Variants in RREB1 observed in about 807,000 individuals in gnomAD.
The protein encoded by RREB1 is ras-responsive element-binding protein 1.
RREB1 carries 27 observed loss-of-function variants against 117.8 expected under a neutral mutation model. The observed-to-expected ratio is 0.23, with a 90% CI of 0.17 to 0.32. RREB1 has a LOEUF of 0.32. Ranked by LOEUF, RREB1 falls within the 10% of genes least tolerant of loss-of-function variation. The pLI, the probability that RREB1 is intolerant of heterozygous loss-of-function variation, is 1.00. For synonymous variants in RREB1, 1,298 were observed against 1,026.7 expected (o/e 1.26, Z -5.05); for missense variants, 2,577 against 2,378.2 (o/e 1.08, Z -1.74).
chr6:7,211,914 T>TGGTTC (rs1435887219), intron 8 of RREB1: 9 of 578,268 alleles, frequency 1.6e-5, no homozygotes, highest in Non-Finnish European at 2.2e-5. Context: ...GGTGTTCACA[T>TGGTTC]GGTTCACTGT....
chr6:7,116,548 G>A (rs557192671), intron 1 of RREB1, among the ~76,000 whole-genome samples: 1 of 150,668 alleles, frequency 6.6e-6, no homozygotes, highest in African/African-American at 2.5e-5. Flanking sequence ...ACCACTGTGT[G>A]TTGATTTCTG....
rs913367093 is a variant in RREB1 at position 7,246,679 on chromosome 6, C to T, written c.4229C>T (p.Ala1410Val). 8 of 1,582,390 alleles carry T rather than the reference C, an allele frequency of 5.1e-6. No homozygotes were observed. The highest frequency in any genetic ancestry group is 1.2e-5 in the South Asian group (1 of 86,598). Residue 1410 changes from alanine to valine, a missense_variant, in exon 12 of 13, where the codon GCG becomes GTG. Transcript: ENST00000379938. ...TGDADGAEED[A>V]SSNQSLDLDF... ...GACGCCGACGGCGCGGAAGAGGACG[C>T]GTCGAGCAACCAGAGCCTGGACCTG...
intron 1 of RREB1, among the ~76,000 whole-genome samples, chr6:7,121,980 A>G (rs1248582003): frequency 1.3e-5 from 2 of 152,060 alleles, no homozygotes; most frequent in Non-Finnish European, 2.9e-5. Context: ...CTGCTTCCCG[A>G]GGGAAGGTGC....
At chr6:7,109,239 G>A (rs990225445) in intron 1 of RREB1, among the ~76,000 whole-genome samples, 6 of 151,826 alleles carry the variant, frequency 4.0e-5, no homozygotes, top group Non-Finnish European at 5.9e-5. Flanking sequence ...TGGGGGGAGG[G>A]GGCCTGTTGC....
At chr6:7,210,698 T>G in intron 6 of RREB1, 106 bp from the exon 7 acceptor site, 1 of 964,594 alleles carries the variant, frequency 1.0e-6, no homozygotes, top group Non-Finnish European at 1.5e-6. Flanking sequence ...TCATATCTCT[T>G]AACTAAAGAA....
At chr6:7,215,919 C>T (rs1431811825) in intron 8 of RREB1, 1 of 147,018 alleles carries the variant, frequency 6.8e-6, no homozygotes. Context: ...AGGGCTGCAG[C>T]TTTGACGCGG....
intron 6 of RREB1, 143 bp downstream of exon 6, chr6:7,189,465 A>G: frequency 1.3e-6 from 1 of 774,754 alleles, no homozygotes; most frequent in Non-Finnish European, 2.0e-6. Context: ...AAAACCAGAG[A>G]TGCACACTAT....
intron 4 of RREB1, among the ~76,000 whole-genome samples, chr6:7,182,793 A>G (rs537183304): frequency 1.3e-5 from 2 of 152,258 alleles, no homozygotes; most frequent in African/African-American, 2.4e-5. Flanking sequence ...CTCTGGATCC[A>G]TGTAATACGA....
Position 7,189,335 on chromosome 6 carries a change from G to C in RREB1, c.425+13G>C. On this transcript the variant is annotated intron_variant, in intron 6 of 12. Transcript: ENST00000379938. The stretch of plus-strand genomic sequence containing the variant: ...GGAACATGCACAGGTGGGTGAGGGC[G>C]CCCTTTGCTTGGGGGGTTGGCTGGT... 1 of 1,559,674 alleles carries C rather than the reference G, an allele frequency of 6.4e-7. No homozygotes were observed. Among genetic ancestry groups the C allele is most frequent in the East Asian group, 2.4e-5 (1 of 42,024 alleles).
chr6:7,236,865 T>A (rs895492286), intron 10 of RREB1, among the ~76,000 whole-genome samples: 3 of 150,702 alleles, frequency 2.0e-5, no homozygotes, highest in Non-Finnish European at 4.4e-5. Context: ...CACTGGCTAA[T>A]TTTTTTTGTT....
chr6:7,184,283 A>T (rs989984986), intron 4 of RREB1, among the ~76,000 whole-genome samples: 44 of 148,668 alleles, frequency 3.0e-4, no homozygotes, highest in Middle Eastern at 3.5e-3. Context: ...TATTTTTTTT[A>T]TTATTATTAT....
chr6:7,208,724 G>A (rs1766414031), intron 6 of RREB1, among the ~76,000 whole-genome samples: 1 of 152,200 alleles, frequency 6.6e-6, no homozygotes, highest in South Asian at 2.1e-4. Context: ...ACTGGAGGTG[G>A]GAATGTTCTA....
intron 1 of RREB1, among the ~76,000 whole-genome samples, chr6:7,132,404 G>A (rs538775180): frequency 1.3e-3 from 202 of 152,214 alleles, no homozygotes; most frequent in Non-Finnish European, 1.6e-3. Context: ...GGCCTCAAGC[G>A]ATCCATCTAC....
intron 1 of RREB1, among the ~76,000 whole-genome samples, chr6:7,163,954 G>A (rs913440227): frequency 3.3e-5 from 5 of 152,150 alleles, no homozygotes; most frequent in African/African-American, 1.2e-4. Context: ...AGTACTTGCC[G>A]TTTGGCCGGT....
intron 6 of RREB1, among the ~76,000 whole-genome samples, chr6:7,196,380 A>AGTATTTGTTAGTTATCT (rs1316411139): frequency 6.6e-6 from 1 of 151,520 alleles, no homozygotes; most frequent in East Asian, 1.9e-4. Flanking sequence ...TCATTTTATG[A>AGTATTTGTTAGTTATCT]GTATTTGTTA....
intron 1 of RREB1, among the ~76,000 whole-genome samples, chr6:7,120,614 A>G (rs1761634509): frequency 1.3e-5 from 2 of 151,934 alleles, no homozygotes. Context: ...TAAAAGGAAC[A>G]GGAAAAATTT....
chr6:7,155,122 T>C (rs569392853), intron 1 of RREB1, among the ~76,000 whole-genome samples: 2 of 152,312 alleles, frequency 1.3e-5, no homozygotes, highest in South Asian at 4.1e-4. Context: ...TCAGTTAACC[T>C]ATGTGTAATT....
chr6:7,139,665 T>G (rs548541033), intron 1 of RREB1, among the ~76,000 whole-genome samples: 86 of 152,320 alleles, frequency 5.6e-4, no homozygotes, highest in African/African-American at 2.0e-3. Context: ...ATATGAAATA[T>G]AAACAGATTT....
intron 12 of RREB1, among the ~76,000 whole-genome samples, chr6:7,247,992 G>A: frequency 6.6e-6 from 1 of 152,236 alleles, no homozygotes; most frequent in Non-Finnish European, 1.5e-5. Context: ...TGAAGGGCCA[G>A]GGTCCTTGGC....
Sources: allele counts gnomAD v4.1 joint callset (sites outside exome capture counted in the v4.1 genomes callset), GRCh38; gene constraint gnomAD v4.1.1; transcripts MANE v1.5; gene names NCBI Gene and HGNC (gene_info 2026-07-23, HGNC 2026-07-21).